SRL: variants seen among roughly 807,000 people sequenced by gnomAD.
SRL encodes the protein sarcalumenin.
In SRL, 23 loss-of-function variants were observed where a neutral mutation model predicts 39.5. That is an observed-to-expected ratio of 0.58 (90% CI 0.42 to 0.82). SRL has a LOEUF of 0.82. Among genes scored for constraint, SRL ranks in the 40% least tolerant of loss-of-function variants. The pLI is 0.00. For missense variants in SRL, 592 were observed against 607.8 expected (o/e 0.97, Z 0.27); for synonymous variants, 272 against 237.4 (o/e 1.15, Z -1.34).
chr16:4,221,189 C>T (rs1034987930), intron 1 of SRL, among the ~76,000 whole-genome samples: 1 of 152,074 alleles, frequency 6.6e-6, no homozygotes, highest in Non-Finnish European at 1.5e-5. Context: ...GATGGGACTA[C>T]AGGTGCATGC....
At chr16:4,219,858 ATGGT>A (rs1358474552) in intron 1 of SRL, among the ~76,000 whole-genome samples, 1 of 152,032 alleles carries the variant, frequency 6.6e-6, no homozygotes, top group Non-Finnish European at 1.5e-5. Context: ...GCATGCAGGA[ATGGT>A]TGTCATCACC....
chr16:4,214,128 C>T (rs1228543837), intron 1 of SRL, among the ~76,000 whole-genome samples: 1 of 152,178 alleles, frequency 6.6e-6, no homozygotes, highest in Non-Finnish European at 1.5e-5. Context: ...CCAGGAAGCT[C>T]TGTCTTGAAG....
chr16:4,240,814 G>A lies in SRL; in HGVS notation c.61+1193C>T, dbSNP rs115133784. On this transcript the variant is annotated intron_variant, in intron 1 of 5. Transcript: ENST00000399609. ...CTTGGGGCTCCGGATCCAATTACGCGGCTGTTTCCATACTTAGCCGCCTGA... is the reference window on the plus strand; with the variant it reads ...CTTGGGGCTCCGGATCCAATTACGCAGCTGTTTCCATACTTAGCCGCCTGA... 7.3e-3 allele frequency among the ~76,000 whole-genome samples: 1,116 copies of A among 152,236 alleles called. 24 individuals carry two copies. The highest frequency in any genetic ancestry group is 0.026 in the African/African-American group (1,080 of 41,524).
At chr16:4,207,776 G>C (rs185857035) in intron 1 of SRL, 2 of 453,274 alleles carry the variant, frequency 4.4e-6, no homozygotes, top group Non-Finnish European at 8.9e-6. Flanking sequence ...GAGGGAGGGC[G>C]CTTGCCACTG....
intron 1 of SRL, among the ~76,000 whole-genome samples, chr16:4,222,354 A>C (rs2052540269): frequency 6.6e-6 from 1 of 152,186 alleles, no homozygotes; most frequent in South Asian, 2.1e-4. Context: ...AGCTCACTGC[A>C]ACCTCCACCT....
intron 5 of SRL, 141 bp downstream of exon 5, chr16:4,195,412 G>T: frequency 1.3e-6 from 1 of 795,496 alleles, no homozygotes; most frequent in Non-Finnish European, 2.1e-6. Flanking sequence ...TGCTCAGGCT[G>T]GTCTTGAACC....
intron 1 of SRL, among the ~76,000 whole-genome samples, chr16:4,227,789 GC>G (rs2052609509): frequency 6.6e-6 from 1 of 152,170 alleles, no homozygotes; most frequent in Admixed American, 6.5e-5. Context: ...CAGAGGAGCT[GC>G]TTTCCACACC....
At chr16:4,218,980 G>A (rs1037611702) in intron 1 of SRL, among the ~76,000 whole-genome samples, 9 of 152,366 alleles carry the variant, frequency 5.9e-5, no homozygotes, top group Middle Eastern at 6.8e-3. Context: ...GGGTGTCACC[G>A]AATCCATGAC....
chr16:4,203,360 C>G, intron 2 of SRL, 99 bp from the exon 3 acceptor site: 1 of 937,932 alleles, frequency 1.1e-6, no homozygotes, highest in South Asian at 1.4e-5. Flanking sequence ...AGCTCCACCC[C>G]TGCCTGGTGG....
intron 5 of SRL, among the ~76,000 whole-genome samples, chr16:4,194,586 G>A (rs535373158): frequency 4.6e-5 from 7 of 152,272 alleles, no homozygotes; most frequent in African/African-American, 1.4e-4. Context: ...CTGGTACTGG[G>A]ATCCAATTAG....
chr16:4,220,429 C>G (rs558438677), intron 1 of SRL, among the ~76,000 whole-genome samples: 1 of 151,462 alleles, frequency 6.6e-6, no homozygotes, highest in Admixed American at 6.6e-5. Flanking sequence ...GCCTCAGTGA[C>G]AGGAGACACT....
At chr16:4,210,336 C>T (rs900240981) in intron 1 of SRL, among the ~76,000 whole-genome samples, 1 of 152,102 alleles carries the variant, frequency 6.6e-6, no homozygotes, top group Non-Finnish European at 1.5e-5. Context: ...CAGCAGGATA[C>T]GTATAATGTA....
At chr16:4,194,719 CA>C (rs2052112740) in intron 5 of SRL, among the ~76,000 whole-genome samples, 1 of 152,066 alleles carries the variant, frequency 6.6e-6, no homozygotes, top group Admixed American at 6.6e-5. Context: ...TTGCCGTCTC[CA>C]AACCAAATCA....
chr16:4,214,445 C>T (rs2052430458), intron 1 of SRL, among the ~76,000 whole-genome samples: 1 of 152,238 alleles, frequency 6.6e-6, no homozygotes, highest in East Asian at 1.9e-4. Context: ...GAATCACTCT[C>T]CAAATCTCTG....
chr16:4,222,510 G>A (rs191293219), intron 1 of SRL, among the ~76,000 whole-genome samples: 1,560 of 152,222 alleles, frequency 0.01, 20 homozygotes, highest in Non-Finnish European at 0.016. Flanking sequence ...CCTGACTCAG[G>A]TGATCCACCC....
At position 4,192,807 on chromosome 16, in the gene SRL, C is replaced by T. The variant is rs761109834; in HGVS notation, c.768G>A (p.Lys256=). 3.7e-6 allele frequency: 6 copies of T among 1,614,190 alleles called. No homozygotes were observed. The highest frequency in any genetic ancestry group is 1.7e-5 in the Admixed American group (1 of 60,030). ...RESQIRIILN[K]ADNLATQMLM... is the part of the protein sequence containing the mutation. ...GCATTTGGGTGGCCAGATTGTCAGC[C>T]TTGTTCAGGATGATCCTTATCTGGG... Residue 256 remains lysine (K), a synonymous_variant, in exon 6 of 6, where the codon AAG becomes AAA. Coordinates refer to ENST00000399609, the MANE Select transcript of SRL (RefSeq NM_001098814.2). This position sits in a 1 kb window ranked among gnomAD's most constrained non-coding sequence, Gnocchi z 4.0.
At chr16:4,203,306 T>C (rs1294727274) in intron 2 of SRL, 45 bp from the exon 3 acceptor site, 2 of 1,535,466 alleles carry the variant, frequency 1.3e-6, no homozygotes, top group East Asian at 4.5e-5. Context: ...GCAGGTGCGA[T>C]CCAGGCAGCT....
intron 1 of SRL, chr16:4,206,618 C>G (rs1249667118): frequency 4.5e-6 from 2 of 448,458 alleles, no homozygotes; most frequent in Non-Finnish European, 9.0e-6. Context: ...TGAAAAGGGC[C>G]TGCCACCCTC....
Position 4,229,261 on chromosome 16 carries a change from G to C in SRL, c.61+12746C>G, listed in dbSNP as rs111692207. 3.3e-3 allele frequency among the ~76,000 whole-genome samples: 502 copies of C among 152,186 alleles called. 3 individuals carry two copies. Among genetic ancestry groups the C allele is most frequent in the African/African-American group, 0.012 (480 of 41,524 alleles). On this transcript the variant is annotated intron_variant, in intron 1 of 5. Coordinates refer to ENST00000399609, the MANE Select transcript of SRL (RefSeq NM_001098814.2). ...GATCGAGACCATCCTGGCTAACACA[G>C]TGAAACCCCATCTCTACTGAAAATA...
Sources: allele counts gnomAD v4.1 joint callset (sites outside exome capture counted in the v4.1 genomes callset), GRCh38; gene constraint gnomAD v4.1.1; non-coding constraint Gnocchi (gnomAD v3.1); transcripts MANE v1.5; gene names NCBI Gene and HGNC (gene_info 2026-07-23, HGNC 2026-07-21).